Variants in ALDH3A1 observed in about 807,000 individuals in gnomAD.
The protein encoded by ALDH3A1 is aldehyde dehydrogenase, dimeric NADP-preferring.
ALDH3A1 carries 46 observed loss-of-function variants against 49.9 expected under a neutral mutation model. The observed-to-expected ratio is 0.92, with a 90% CI of 0.73 to 1.18. The LOEUF (loss-of-function observed/expected upper bound fraction) is 1.18. Ranked by LOEUF, ALDH3A1 falls within the 50% of genes most tolerant of loss-of-function variation. ALDH3A1 has a pLI of 0.00. For synonymous variants in ALDH3A1, 269 were observed against 253.3 expected, an observed-to-expected ratio of 1.06 and a Z score of -0.59; for missense variants, 592 against 611.8, an observed-to-expected ratio of 0.97 and a Z score of 0.34.
rs1437765607 is a variant in ALDH3A1 at position 19,738,074 on chromosome 17, G to C, written c.*147C>G. On this transcript the variant is annotated 3_prime_UTR_variant, in exon 11 of 11. Coordinates refer to ENST00000225740, the MANE Select transcript of ALDH3A1 (RefSeq NM_000691.5). Reference sequence around the variant, plus strand: ...GTGAGGCCTGGGCCCATGTGGGAGTGGGGTGTGCACAGGTCAGCAGGTCAG... The same window carrying C: ...GTGAGGCCTGGGCCCATGTGGGAGTCGGGTGTGCACAGGTCAGCAGGTCAG... 2 of 1,568,172 alleles carry C rather than the reference G, an allele frequency of 1.3e-6. No homozygotes were observed. Among genetic ancestry groups the C allele is most frequent in the Non-Finnish European group, 1.7e-6 (2 of 1,163,916 alleles).
chr17:19,744,656 C>T, intron 2 of ALDH3A1: 4 of 985,330 alleles, frequency 4.1e-6, no homozygotes, highest in Non-Finnish European at 4.8e-6. Context: ...ACCAAGTGGT[C>T]CTGCGTGGGG....
chr17:19,738,301 C>T (rs116087608), intron 10 of ALDH3A1, 22 bp downstream of exon 10: 7 of 1,613,774 alleles, frequency 4.3e-6, no homozygotes, highest in Non-Finnish European at 5.9e-6. Context: ...CGGTCTCCCC[C>T]ACAGCGCCTT....
Position 19,738,971 on chromosome 17 carries a change from G to A in ALDH3A1, c.1216+25C>T, listed in dbSNP as rs767794222. 4 of 1,601,346 alleles carry A rather than the reference G, an allele frequency of 2.5e-6. No individual in the cohort carries two copies. The East Asian group carries it at 6.7e-5, about 27-fold the overall frequency. ...GCCCAGCCCTGGGGCCCAGAGGGAG[G>A]CAGCAAGCTCAGCCCCAGACTCACC... On this transcript the variant is annotated intron_variant, in intron 9 of 10. Transcript: ENST00000225740.
chr17:19,739,194 A>G, intron 8 of ALDH3A1, 99 bp from the exon 9 acceptor site: 1 of 1,112,484 alleles, frequency 9.0e-7, no homozygotes, highest in Non-Finnish European at 1.3e-6. Context: ...CCACAAGGAC[A>G]GGAGCAGGTG....
chr17:19,738,538 C>A, intron 9 of ALDH3A1, 85 bp from the exon 10 acceptor site: 1 of 1,551,664 alleles, frequency 6.4e-7, no homozygotes, highest in South Asian at 1.2e-5. Flanking sequence ...GGGTGTATCC[C>A]AGAACCACAG....
At position 19,740,474 on chromosome 17, in the gene ALDH3A1, A is replaced by C. The variant is rs1355612210; in HGVS notation, c.811T>G (p.Phe271Val). Residue 271 changes from phenylalanine to valine, a missense_variant, in exon 7 of 11, where the codon TTC (phenylalanine) becomes GTC (valine). Phe to Val is a conservative substitution (Grantham distance 50). Transcript: ENST00000225740. ...GATTTCTTAGCATCTTCCCCGTAGA[A>C]CTCCTGTGGAGAAGAGGTGGGGGCT... ...VEKLKKSLKE[F>V]YGEDAKKSRD... is the part of the protein sequence containing the mutation. 1 of 1,613,436 alleles carries C rather than the reference A, an allele frequency of 6.2e-7. No homozygotes were observed. Among genetic ancestry groups the C allele is most frequent in the Non-Finnish European group, 8.5e-7 (1 of 1,179,904 alleles).
Position 19,748,183 on chromosome 17 carries a change from CACTT to C in ALDH3A1, c.-6+72_-6+75del, listed in dbSNP as rs1299506298. On this transcript the variant is annotated intron_variant, in intron 1 of 10. Transcript: ENST00000225740. This position sits in a 1 kb window ranked among gnomAD's most constrained non-coding sequence, Gnocchi z 4.4. ...TGGAGAGATGATGTAGGACTCTTGA[CACTT>C]AGGGCCCCGGCTCTGAGTGCAGACT... 3 of 377,070 alleles carry C rather than the reference CACTT, an allele frequency of 8.0e-6. No individual in the cohort carries two copies. The highest frequency in any genetic ancestry group is 6.3e-5 in the African/African-American group (3 of 47,320). 23.4% of individuals were successfully genotyped at this position (377,070 alleles called of 1,614,324 possible).
intron 9 of ALDH3A1, 81 bp downstream of exon 9, chr17:19,738,915 G>A (rs1319221505): frequency 7.7e-7 from 1 of 1,304,922 alleles, no homozygotes; most frequent in Non-Finnish European, 1.1e-6. Context: ...GCTGCAGGAG[G>A]TGGTCCCTCC....
At chr17:19,746,624 CGTGT>C (rs375726934) in intron 1 of ALDH3A1, among the ~76,000 whole-genome samples, 70 of 147,458 alleles carry the variant, frequency 4.7e-4, no homozygotes, top group African/African-American at 1.6e-3. Context: ...TGTGTGTGTG[CGTGT>C]GTGTGTGTGC....
intron 2 of ALDH3A1, chr17:19,744,714 A>C: frequency 1.5e-6 from 2 of 1,343,688 alleles, no homozygotes; most frequent in South Asian, 1.7e-5. Context: ...GGCAGCAGGA[A>C]GTTGAAATGG....
At chr17:19,742,653 C>T (rs1183296957) in intron 3 of ALDH3A1, 23 bp from the exon 4 acceptor site, 4 of 1,613,768 alleles carry the variant, frequency 2.5e-6, no homozygotes, top group Admixed American at 3.3e-5. Flanking sequence ...CCGAGCCAGG[C>T]CTATGCCCAG....
intron 2 of ALDH3A1, 52 bp downstream of exon 2, chr17:19,744,916 C>CCCCCCCCCCCCCCCCA: frequency 7.4e-7 from 1 of 1,345,114 alleles, no homozygotes. Flanking sequence ...TCCCCCCACG[C>CCCCCCCCCCCCCCCCA]CCCATCGCAT....
At chr17:19,739,148 GC>G (rs1197920455) in intron 8 of ALDH3A1, 53 bp from the exon 9 acceptor site, 39 of 1,529,308 alleles carry the variant, frequency 2.6e-5, no homozygotes, top group Non-Finnish European at 3.5e-5. Context: ...GGATGCCCCA[GC>G]CCCCAACCCG....
chr17:19,746,701 G>A (rs959753275), intron 1 of ALDH3A1, among the ~76,000 whole-genome samples: 2 of 149,748 alleles, frequency 1.3e-5, no homozygotes, highest in Admixed American at 1.3e-4. Context: ...GTGTGCGTGC[G>A]TGTGTGTGCA....
chr17:19,739,893 G>A (rs1317778907), intron 7 of ALDH3A1, among the ~76,000 whole-genome samples: 1 of 152,164 alleles, frequency 6.6e-6, no homozygotes, highest in Non-Finnish European at 1.5e-5. Context: ...CTGTACGGAA[G>A]GACCCGAGAT....
intron 4 of ALDH3A1, 71 bp downstream of exon 4, chr17:19,742,474 C>T: frequency 3.3e-6 from 5 of 1,512,836 alleles, no homozygotes; most frequent in Non-Finnish European, 1.8e-6. Context: ...CACTATTTCT[C>T]ACCCCCCAAA....
chr17:19,741,502 G>C (rs1223279130), intron 5 of ALDH3A1: 1 of 388,076 alleles, frequency 2.6e-6, no homozygotes, highest in East Asian at 4.9e-5. Context: ...TGCTACTCGG[G>C]CCCCCCTACA....
At position 19,737,995 on chromosome 17, in the gene ALDH3A1, A is replaced by G; in HGVS notation, c.*226T>C. The G allele has an allele frequency of 6.8e-7, 1 of 1,466,984 alleles. No individual in the cohort carries two copies. The highest frequency in any genetic ancestry group is 1.3e-5 in the South Asian group (1 of 75,174). The allele number at this position is 1,466,984 out of a possible 1,614,324, so 90.9% of individuals were successfully genotyped here. On this transcript the variant is annotated 3_prime_UTR_variant, in exon 11 of 11. Coordinates refer to ENST00000225740, the MANE Select transcript of ALDH3A1 (RefSeq NM_000691.5). Reference sequence around the variant, plus strand: ...GCCATATGCCTGCATTTGCTGAGTTAGAAAATTGTATTCGTCTCTTTATTG... The same window carrying G: ...GCCATATGCCTGCATTTGCTGAGTTGGAAAATTGTATTCGTCTCTTTATTG...
chr17:19,744,895 T>TCC, intron 2 of ALDH3A1, 73 bp downstream of exon 2: 1 of 924,172 alleles, frequency 1.1e-6, no homozygotes, highest in Non-Finnish European at 1.4e-6. Flanking sequence ...GGTCGCACTC[T>TCC]CCCCAGCCCC....
Sources: gnomAD v4.1 joint callset for allele counts (sites outside exome capture counted in the v4.1 genomes callset) on GRCh38, gnomAD v4.1.1 for gene constraint, Gnocchi (gnomAD v3.1) non-coding constraint, MANE v1.5 for transcripts, NCBI Gene and HGNC (gene_info 2026-07-23, HGNC 2026-07-21) for gene names.